ST3GAL5: variants seen among roughly 807,000 people sequenced by gnomAD.
ST3GAL5 encodes the protein ST3 beta-galactoside alpha-2,3-sialyltransferase 5, also known as lactosylceramide alpha-2,3-sialyltransferase.
ST3GAL5 carries 25 observed loss-of-function variants against 46.1 expected under a neutral mutation model. That is an observed-to-expected ratio of 0.54 (90% CI 0.40 to 0.76). ST3GAL5 has a LOEUF of 0.76. ST3GAL5 is among the 30% of genes least tolerant of loss of function. ST3GAL5 has a pLI of 0.00. For missense variants in ST3GAL5, 431 were observed against 521.2 expected, an observed-to-expected ratio of 0.83 and a Z score of 1.69; for synonymous variants, 182 against 192.7, an observed-to-expected ratio of 0.94 and a Z score of 0.46.
At position 85,837,349 on chromosome 2, in the gene ST3GAL5, T is replaced by C. The variant is rs1262472429; in HGVS notation, c.*2795A>G. The C allele has an allele frequency of 6.6e-6, 1 of 152,138 alleles. No homozygotes were observed. The highest frequency in any genetic ancestry group is 1.5e-5 in the Non-Finnish European group (1 of 68,028). The allele number at this position is 152,138 out of a possible 1,614,324, so 9.4% of individuals were successfully genotyped here. ...TAAGCCAAACACAGAAAGACAAATA[T>C]CACATGTTCTCATTCCTATGTAGGA... On this transcript the variant is annotated 3_prime_UTR_variant, in exon 7 of 7. Coordinates refer to ENST00000638572, the MANE Select transcript of ST3GAL5 (RefSeq NM_003896.4).
At position 85,844,556 on chromosome 2, in the gene ST3GAL5, T is replaced by G. The variant is rs531904613; in HGVS notation, c.850-2A>C. On this transcript the variant is annotated splice_acceptor_variant, in intron 5 of 6. Coordinates refer to ENST00000638572, the MANE Select transcript of ST3GAL5 (RefSeq NM_003896.4). LOFTEE classifies it high-confidence loss of function. ...AAAGAAGAGTCGTACCCAGAATGGC[T>G]AAGGAAAGCAAGCAAGCAGTTGTTA... 1 of 1,614,070 alleles carries G rather than the reference T, an allele frequency of 6.2e-7. No individual in the cohort carries two copies. The highest frequency in any genetic ancestry group is 2.2e-5 in the East Asian group (1 of 44,880).
chr2:85,841,248 G>T (rs1383736666), intron 6 of ST3GAL5, among the ~76,000 whole-genome samples: 1 of 152,044 alleles, frequency 6.6e-6, no homozygotes, highest in Non-Finnish European at 1.5e-5. Flanking sequence ...CATTGGCTTT[G>T]CTGGCAAATA....
chr2:85,858,553 C>A (rs1356293496), intron 3 of ST3GAL5, among the ~76,000 whole-genome samples: 1 of 152,196 alleles, frequency 6.6e-6, no homozygotes, highest in Non-Finnish European at 1.5e-5. Context: ...TCATGATCCG[C>A]CCACCTCAGC....
At chr2:85,866,077 G>A (rs1257110539) in intron 1 of ST3GAL5, 1 of 152,236 alleles carries the variant, frequency 6.6e-6, no homozygotes, top group African/African-American at 2.4e-5. Flanking sequence ...ACAAGTACAA[G>A]CTTCAGACTA....
At chr2:85,840,738 G>A (rs1469629880) in intron 6 of ST3GAL5, among the ~76,000 whole-genome samples, 1 of 151,968 alleles carries the variant, frequency 6.6e-6, no homozygotes. Context: ...GAGGTCAAGA[G>A]TTTGAGACCA....
At chr2:85,843,542 T>C (rs2103929882) in intron 6 of ST3GAL5, among the ~76,000 whole-genome samples, 1 of 152,360 alleles carries the variant, frequency 6.6e-6, no homozygotes, top group Middle Eastern at 3.4e-3. Flanking sequence ...TTGTGAAATG[T>C]CTATTCCTAT....
chr2:85,847,435 T>C, intron 4 of ST3GAL5: 9 of 1,011,046 alleles, frequency 8.9e-6, no homozygotes, highest in Non-Finnish European at 1.1e-5. Context: ...GTTTGGAGCA[T>C]CCAACCATTT....
intron 3 of ST3GAL5, among the ~76,000 whole-genome samples, chr2:85,852,091 C>T (rs10496319): frequency 0.3 from 46,326 of 152,166 alleles, 7,443 homozygotes; most frequent in East Asian, 0.54. Context: ...ACTCTGAAAT[C>T]TTAAGGACAA....
intron 1 of ST3GAL5, chr2:85,880,837 A>T: frequency 2.0e-6 from 1 of 504,208 alleles, no homozygotes; most frequent in Non-Finnish European, 3.9e-6. Flanking sequence ...AGAAAAAAAA[A>T]AACTCTCATA....
intron 6 of ST3GAL5, among the ~76,000 whole-genome samples, chr2:85,843,928 T>C (rs889739838): frequency 2.6e-5 from 4 of 152,182 alleles, no homozygotes; most frequent in Non-Finnish European, 2.9e-5. Flanking sequence ...TTCTTGAGGA[T>C]TAACTTTTAT....
chr2:85,849,982 T>C (rs1053211206), intron 3 of ST3GAL5: 2 of 152,122 alleles, frequency 1.3e-5, no homozygotes, highest in Non-Finnish European at 2.9e-5. Flanking sequence ...GGGTATAGGT[T>C]TAAATGTTCA....
intron 1 of ST3GAL5, among the ~76,000 whole-genome samples, chr2:85,880,543 G>A (rs1345566088): frequency 2.6e-5 from 4 of 152,188 alleles, no homozygotes; most frequent in African/African-American, 7.2e-5. Flanking sequence ...GCTCTCATAG[G>A]CTGGGCATGG....
At chr2:85,852,794 G>A (rs1252722391) in intron 3 of ST3GAL5, 2 of 1,047,898 alleles carry the variant, frequency 1.9e-6, no homozygotes, top group Non-Finnish European at 2.6e-6. Context: ...GTTCTAGATT[G>A]ATTTAACTAG....
At chr2:85,849,071 G>A (rs983754153) in intron 3 of ST3GAL5, 2 of 152,326 alleles carry the variant, frequency 1.3e-5, no homozygotes, top group East Asian at 1.9e-4. Flanking sequence ...CAGGAGCTGC[G>A]TGAATGCAAC....
chr2:85,882,839 A>G (rs1687320885), intron 1 of ST3GAL5, among the ~76,000 whole-genome samples: 1 of 151,626 alleles, frequency 6.6e-6, no homozygotes, highest in Non-Finnish European at 1.5e-5. Context: ...TGTCTCAAAA[A>G]AAAAAAAAAA....
At chr2:85,873,883 G>A (rs1160949281) in intron 1 of ST3GAL5, among the ~76,000 whole-genome samples, 1 of 152,200 alleles carries the variant, frequency 6.6e-6, no homozygotes, top group African/African-American at 2.4e-5. Flanking sequence ...AGGTCCAGGT[G>A]AGGATGCTGA....
intron 1 of ST3GAL5, chr2:85,887,493 C>G (rs1687882909): frequency 6.6e-6 from 1 of 152,202 alleles, no homozygotes; most frequent in Non-Finnish European, 1.5e-5. Context: ...ACAGCAGCAT[C>G]CATATAACAG....
intron 1 of ST3GAL5, among the ~76,000 whole-genome samples, chr2:85,878,426 C>T (rs374671257): frequency 2.0e-5 from 3 of 152,250 alleles, no homozygotes; most frequent in South Asian, 2.1e-4. Flanking sequence ...GCATTCCACT[C>T]GGGAATGAAG....
At chr2:85,850,674 C>T (rs1683386976) in intron 3 of ST3GAL5, 1 of 152,206 alleles carries the variant, frequency 6.6e-6, no homozygotes, top group Admixed American at 6.5e-5. Flanking sequence ...GAATCATATC[C>T]TAAGTATCTG....
Sources: allele counts gnomAD v4.1 joint callset (sites outside exome capture counted in the v4.1 genomes callset), GRCh38; gene constraint gnomAD v4.1.1; transcripts MANE v1.5; gene names NCBI Gene and HGNC (gene_info 2026-07-23, HGNC 2026-07-21).